The following SSBP2 variants were observed in gnomAD, a reference collection of about 807,000 sequenced individuals.
SSBP2 encodes the protein single-stranded DNA-binding protein 2.
SSBP2 carries 17 observed loss-of-function variants against 61.8 expected under a neutral mutation model. That is an observed-to-expected ratio of 0.28 (90% CI 0.19 to 0.41). The LOEUF (loss-of-function observed/expected upper bound fraction) is 0.41, where lower values mean the gene tolerates loss of function less well. SSBP2 is among the 10% of genes least tolerant of loss of function. The pLI, the probability that SSBP2 is intolerant of heterozygous loss-of-function variation, is 1.00. For synonymous variants in SSBP2, 139 were observed against 141.3 expected (o/e 0.98, Z 0.12); for missense variants, 310 against 458.7 (o/e 0.68, Z 2.96).
intron 1 of SSBP2, among the ~76,000 whole-genome samples, chr5:81,736,234 C>T (rs1319236821): frequency 6.6e-6 from 1 of 152,004 alleles, no homozygotes; most frequent in East Asian, 1.9e-4. Context: ...CTATCACAGC[C>T]TCACTGGACT....
intron 4 of SSBP2, among the ~76,000 whole-genome samples, chr5:81,562,268 G>A (rs951923243): frequency 4.6e-5 from 7 of 152,168 alleles, no homozygotes; most frequent in African/African-American, 1.7e-4. Flanking sequence ...TATAATTCTA[G>A]AAAAAGATAT....
chr5:81,488,895 T>C (rs1766641019), intron 6 of SSBP2, among the ~76,000 whole-genome samples: 1 of 152,022 alleles, frequency 6.6e-6, no homozygotes, highest in Non-Finnish European at 1.5e-5. Flanking sequence ...GTTCGAAGTA[T>C]AAGGTAGACT....
chr5:81,712,666 T>TA (rs1326874784), intron 1 of SSBP2, among the ~76,000 whole-genome samples: 3 of 151,680 alleles, frequency 2.0e-5, no homozygotes, highest in Non-Finnish European at 4.4e-5. Flanking sequence ...AGGTTGAACT[T>TA]ACATTTACAG....
chr5:81,460,924 CT>C (rs1162505390), intron 10 of SSBP2, 130 bp downstream of exon 10: 3 of 445,616 alleles, frequency 6.7e-6, no homozygotes, highest in Non-Finnish European at 1.1e-5. Context: ...TTATATTAAA[CT>C]TTTTGAATGA....
chr5:81,726,967 G>A (rs1755929290), intron 1 of SSBP2, among the ~76,000 whole-genome samples: 2 of 152,124 alleles, frequency 1.3e-5, no homozygotes, highest in Non-Finnish European at 2.9e-5. Flanking sequence ...CATTCAATTA[G>A]CACCTTATTA....
intron 1 of SSBP2, among the ~76,000 whole-genome samples, chr5:81,738,416 C>T (rs1207060563): frequency 6.6e-6 from 1 of 152,140 alleles, no homozygotes; most frequent in Non-Finnish European, 1.5e-5. Flanking sequence ...CTATTAAAGC[C>T]TTAGTTTCCT....
chr5:81,697,430 G>A (rs1330630173), intron 1 of SSBP2, among the ~76,000 whole-genome samples: 4 of 152,198 alleles, frequency 2.6e-5, no homozygotes, highest in South Asian at 2.1e-4. Flanking sequence ...TGCTTTTATC[G>A]CAATAGTCTA....
intron 1 of SSBP2, among the ~76,000 whole-genome samples, chr5:81,670,523 TA>T (rs1450698292): frequency 6.6e-6 from 1 of 152,146 alleles, no homozygotes; most frequent in East Asian, 1.9e-4. Flanking sequence ...ACTGTAACAA[TA>T]AGTTATGTCA....
chr5:81,653,208 T>C (rs1749906337), intron 1 of SSBP2, among the ~76,000 whole-genome samples: 1 of 152,162 alleles, frequency 6.6e-6, no homozygotes, highest in Non-Finnish European at 1.5e-5. Context: ...TTTGGTTTTC[T>C]GTTCCTGTGT....
At chr5:81,711,113 T>C (rs925345276) in intron 1 of SSBP2, among the ~76,000 whole-genome samples, 3 of 152,068 alleles carry the variant, frequency 2.0e-5, no homozygotes, top group African/African-American at 7.2e-5. Flanking sequence ...GTTAAGAGGG[T>C]ATAAAAGCCT....
At chr5:81,664,142 A>G (rs981564549) in intron 1 of SSBP2, among the ~76,000 whole-genome samples, 1 of 118,922 alleles carries the variant, frequency 8.4e-6, no homozygotes, top group Non-Finnish European at 1.7e-5. Flanking sequence ...TTTTTTTTTG[A>G]GACAGAATCT....
At chr5:81,433,023 G>A (rs925712333) in intron 15 of SSBP2, among the ~76,000 whole-genome samples, 3 of 151,966 alleles carry the variant, frequency 2.0e-5, no homozygotes, top group South Asian at 2.1e-4. Context: ...GCCCCTTCCG[G>A]GAGGTGAGGG....
At chr5:81,509,757 A>C (rs1768455202) in intron 5 of SSBP2, among the ~76,000 whole-genome samples, 1 of 152,170 alleles carries the variant, frequency 6.6e-6, no homozygotes, top group Non-Finnish European at 1.5e-5. Context: ...TATATCTGAA[A>C]GTTTTTCAAT....
Position 81,593,729 on chromosome 5 carries a change from T to A in SSBP2, c.282+21744A>T, listed in dbSNP as rs145296648. Among the ~76,000 whole-genome samples, 934 of 152,268 alleles carry A rather than the reference T, an allele frequency of 6.1e-3. 8 individuals carry two copies. Among genetic ancestry groups the A allele is most frequent in the African/African-American group, 0.021 (882 of 41,534 alleles). ...AGAATTTTCAATCCAGAATCTCATA[T>A]CCAGCCAAACTAAGCTTCACAAGTG... is the stretch of plus-strand genomic sequence containing the variant. On this transcript the variant is annotated intron_variant, in intron 4 of 16. Transcript: ENST00000320672.
intron 1 of SSBP2, among the ~76,000 whole-genome samples, chr5:81,697,315 AG>A (rs1158442576): frequency 8.5e-5 from 13 of 152,350 alleles, no homozygotes; most frequent in African/African-American, 2.9e-4. Flanking sequence ...GAGCAGGGAA[AG>A]GAAGACTCAC....
chr5:81,643,368 T>C (rs571561444), intron 2 of SSBP2, among the ~76,000 whole-genome samples: 255 of 152,214 alleles, frequency 1.7e-3, no homozygotes, highest in Non-Finnish European at 2.6e-3. Context: ...ATCCAAAGAA[T>C]AACTTTTAAT....
chr5:81,724,083 G>A (rs1305129664), intron 1 of SSBP2, among the ~76,000 whole-genome samples: 1 of 151,820 alleles, frequency 6.6e-6, no homozygotes, highest in African/African-American at 2.4e-5. Flanking sequence ...AAAAAACACA[G>A]CATAATACTA....
chr5:81,602,057 T>C (rs547630852), intron 4 of SSBP2, among the ~76,000 whole-genome samples: 70 of 152,290 alleles, frequency 4.6e-4, no homozygotes, highest in African/African-American at 1.4e-3. Context: ...CAGAGCCCAG[T>C]CCTACTCAGT....
intron 1 of SSBP2, among the ~76,000 whole-genome samples, chr5:81,703,469 G>T (rs1446932829): frequency 6.6e-6 from 1 of 151,928 alleles, no homozygotes; most frequent in Non-Finnish European, 1.5e-5. Flanking sequence ...AGGTCCAGAG[G>T]GAATGGGTGC....
Sources: allele counts gnomAD v4.1 joint callset (sites outside exome capture counted in the v4.1 genomes callset), GRCh38; gene constraint gnomAD v4.1.1; transcripts MANE v1.5; gene names NCBI Gene and HGNC (gene_info 2026-07-23, HGNC 2026-07-21).